Variants in GABRG3 observed in about 807,000 individuals in gnomAD.
GABRG3 encodes the protein gamma-aminobutyric acid type A receptor subunit gamma3.
A neutral mutation model predicts 48.8 loss-of-function variants in GABRG3; 25 were observed. The observed-to-expected ratio is 0.51, with a 90% CI of 0.37 to 0.72. The LOEUF (loss-of-function observed/expected upper bound fraction) is 0.72. Among genes scored for constraint, GABRG3 ranks in the 30% least tolerant of loss-of-function variants. GABRG3 has a pLI of 0.00. For synonymous variants in GABRG3, 227 were observed against 217.6 expected, an observed-to-expected ratio of 1.04 and a Z score of -0.38; for missense variants, 394 against 577.9, an observed-to-expected ratio of 0.68 and a Z score of 3.26.
At chr15:27,219,318 G>A (rs1203584542) in intron 3 of GABRG3, among the ~76,000 whole-genome samples, 4 of 151,848 alleles carry the variant, frequency 2.6e-5, no homozygotes, top group African/African-American at 9.7e-5. Flanking sequence ...CATTGTTTGT[G>A]CTCCTCCAAG....
intron 3 of GABRG3, among the ~76,000 whole-genome samples, chr15:27,323,264 A>G (rs949057537): frequency 2.6e-5 from 4 of 152,162 alleles, no homozygotes; most frequent in South Asian, 2.1e-4. Flanking sequence ...CTGAGCTTCA[A>G]TTTCTCTGTT....
chr15:27,046,006 G>T (rs893878052), intron 3 of GABRG3, among the ~76,000 whole-genome samples: 1 of 152,326 alleles, frequency 6.6e-6, no homozygotes, highest in Non-Finnish European at 1.5e-5. Flanking sequence ...ACTGCAGAGA[G>T]CTCCGAGTTC....
At chr15:27,527,094 G>A (rs1356977475) in intron 7 of GABRG3, among the ~76,000 whole-genome samples, 1 of 152,160 alleles carries the variant, frequency 6.6e-6, no homozygotes, top group African/African-American at 2.4e-5. Context: ...TAGCTGGGCA[G>A]AAATGTGAGG....
chr15:27,442,437 C>T (rs994971156), intron 5 of GABRG3, among the ~76,000 whole-genome samples: 4 of 152,152 alleles, frequency 2.6e-5, no homozygotes, highest in East Asian at 1.9e-4. Context: ...TGCACATGTC[C>T]GCCTTATAGC....
chr15:27,519,027 T>A (rs1228542100), intron 6 of GABRG3, among the ~76,000 whole-genome samples: 1 of 152,128 alleles, frequency 6.6e-6, no homozygotes, highest in Non-Finnish European at 1.5e-5. Context: ...GGTGGCTTTT[T>A]GGTTTCCTCT....
intron 3 of GABRG3, among the ~76,000 whole-genome samples, chr15:27,301,775 G>T (rs1053438466): frequency 6.6e-6 from 1 of 152,018 alleles, no homozygotes; most frequent in African/African-American, 2.4e-5. Context: ...CCTCAATAGG[G>T]TGATTCCATA....
chr15:27,140,361 G>A (rs2140389281), intron 3 of GABRG3, among the ~76,000 whole-genome samples: 1 of 152,194 alleles, frequency 6.6e-6, no homozygotes, highest in African/African-American at 2.4e-5. Flanking sequence ...TTGCTTGCTT[G>A]TTGATGGGGA....
chr15:27,128,873 T>C (rs149711416), intron 3 of GABRG3, among the ~76,000 whole-genome samples: 119 of 152,362 alleles, frequency 7.8e-4, no homozygotes, highest in African/African-American at 2.7e-3. Context: ...ATATTTTTAA[T>C]TGATTTTCAG....
chr15:27,314,464 G>A (rs1003022959), intron 3 of GABRG3, among the ~76,000 whole-genome samples: 2 of 152,276 alleles, frequency 1.3e-5, no homozygotes, highest in Admixed American at 1.3e-4. Flanking sequence ...ACCCTTGGGG[G>A]AATGCAGAAT....
rs36038223 is a variant in GABRG3, at chr15:26,990,803, ATT to A, written c.202+13671_202+13672del. Among the ~76,000 whole-genome samples the A allele has an allele frequency of 3.8e-3, 487 of 129,366 alleles. 1 individual carries two copies. The highest frequency in any genetic ancestry group is 0.01 in the South Asian group (41 of 3,950). 84.9% of individuals were successfully genotyped at this position (129,366 alleles called of 152,430 possible). A position where few individuals can be genotyped will look rare whatever the true frequency, so the allele number is the denominator to read the frequency against. The stretch of plus-strand genomic sequence containing the variant: ...GGATTGAAACCTTTAATCCATTTTG[ATT>A]TTTTTTTTTTTTTTTTTAAGACAGA... On this transcript the variant is annotated intron_variant, in intron 2 of 9. Coordinates refer to ENST00000615808, the MANE Select transcript of GABRG3 (RefSeq NM_033223.5).
chr15:27,445,116 A>G (rs1271040677), intron 5 of GABRG3, among the ~76,000 whole-genome samples: 1 of 151,844 alleles, frequency 6.6e-6, no homozygotes, highest in Non-Finnish European at 1.5e-5. Context: ...GAGGTGATCC[A>G]CCCGCCTCGG....
At chr15:27,421,574 T>A (rs1888114908) in intron 5 of GABRG3, among the ~76,000 whole-genome samples, 1 of 148,696 alleles carries the variant, frequency 6.7e-6, no homozygotes, top group South Asian at 2.1e-4. Flanking sequence ...TTTTAAGGCA[T>A]CCATGGGAGT....
intron 3 of GABRG3, among the ~76,000 whole-genome samples, chr15:27,188,172 G>C (rs1888162756): frequency 6.6e-6 from 1 of 152,114 alleles, no homozygotes; most frequent in African/African-American, 2.4e-5. Context: ...TTTGTGAATA[G>C]TGCTGCAAGA....
At position 27,180,337 on chromosome 15, in the gene GABRG3, G is replaced by A. The variant is rs1285081242; in HGVS notation, c.271-146472G>A. Among the ~76,000 whole-genome samples, 2 of 152,144 alleles carry A rather than the reference G, an allele frequency of 1.3e-5. No individual in the cohort carries two copies. Among genetic ancestry groups the A allele is most frequent in the Non-Finnish European group, 2.9e-5 (2 of 68,032 alleles). On this transcript the variant is annotated intron_variant, in intron 3 of 9. Transcript: ENST00000615808. This position sits in a 1 kb window ranked among gnomAD's most constrained non-coding sequence, Gnocchi z 4.2. Reference sequence around the variant, plus strand: ...CTTGAGTGAAAGGAAAAAAAAATGAGATTGAACAAGAAGAGCAACTGTAGA... The same window carrying A: ...CTTGAGTGAAAGGAAAAAAAAATGAAATTGAACAAGAAGAGCAACTGTAGA...
At chr15:27,003,602 A>G (rs1231635405) in intron 2 of GABRG3, among the ~76,000 whole-genome samples, 27 of 152,180 alleles carry the variant, frequency 1.8e-4, no homozygotes, top group African/African-American at 5.8e-4. Context: ...AACAAAATGA[A>G]AAGTCTGCCA....
intron 3 of GABRG3, among the ~76,000 whole-genome samples, chr15:27,219,488 A>G (rs768274241): frequency 2.0e-4 from 31 of 152,244 alleles, no homozygotes; most frequent in Admixed American, 5.2e-4. Flanking sequence ...CAGCTCCTGC[A>G]CCTGTGATGG....
chr15:27,469,674 A>G (rs997549887), intron 5 of GABRG3, among the ~76,000 whole-genome samples: 4 of 152,036 alleles, frequency 2.6e-5, no homozygotes, highest in African/African-American at 9.7e-5. Flanking sequence ...AATTCCTTCT[A>G]TTTATTTGGG....
In GABRG3 at chr15:27,155,533, C is replaced by T. The variant is rs208159; in HGVS notation, c.270+128712C>T. 8.9e-3 allele frequency among the ~76,000 whole-genome samples: 1,361 copies of T among 152,276 alleles called. 23 individuals carry two copies. Among genetic ancestry groups the T allele is most frequent in the African/African-American group, 0.03 (1,264 of 41,560 alleles). ...TTCAGATATTATTTTATGCAACAGTCTATCTTATTTAAGCTGTCTGTTTTG... is the reference window on the plus strand; with the variant it reads ...TTCAGATATTATTTTATGCAACAGTTTATCTTATTTAAGCTGTCTGTTTTG... On this transcript the variant is annotated intron_variant, in intron 3 of 9. Coordinates refer to ENST00000615808, the MANE Select transcript of GABRG3 (RefSeq NM_033223.5).
chr15:27,176,360 A>G (rs1163767255), intron 3 of GABRG3, among the ~76,000 whole-genome samples: 1 of 152,194 alleles, frequency 6.6e-6, no homozygotes, highest in Non-Finnish European at 1.5e-5. Context: ...TAAAAGTAAT[A>G]GTATTTCTTT....
Sources: gnomAD v4.1 joint callset for allele counts (sites outside exome capture counted in the v4.1 genomes callset) on GRCh38, gnomAD v4.1.1 for gene constraint, Gnocchi (gnomAD v3.1) non-coding constraint, MANE v1.5 for transcripts, NCBI Gene and HGNC (gene_info 2026-07-23, HGNC 2026-07-21) for gene names.